INPP5A: variants seen among roughly 807,000 people sequenced by gnomAD.
INPP5A encodes 43 kDa inositol polyphosphate 5-phophatase.
Under a neutral mutation model 65.2 loss-of-function variants are expected in INPP5A, and 14 were observed. The observed-to-expected ratio is 0.21, with a 90% CI of 0.14 to 0.34. The LOEUF is 0.34. INPP5A is among the 10% of genes least tolerant of loss of function. The probability of loss-of-function intolerance (pLI) is 1.00; values close to 1 mark genes in which losing one functional copy is unlikely to be tolerated. For synonymous variants in INPP5A, 207 were observed against 208.3 expected (o/e 0.99, Z 0.05); for missense variants, 431 against 545.6 (o/e 0.79, Z 2.09).
At position 132,697,835 on chromosome 10, in the gene INPP5A, C is replaced by T. The variant is rs1261748584; in HGVS notation, c.390C>T (p.Val130=). 4.3e-6 allele frequency: 7 copies of T among 1,611,828 alleles called. No homozygotes were observed. In the Admixed American group the frequency reaches 8.3e-5, roughly 19 times the overall value. ...FDFKAKKYRK[V]AGKEIYSDTL... ...TTCCAGCTAAGAAGTATAGAAAGGT[C>T]GCTGGCAAAGAGATCTACTCGGATA... Residue 130 remains valine (V), a synonymous_variant, in exon 6 of 16, where the codon GTC becomes GTT. Transcript: ENST00000368594. This position sits in a 1 kb window ranked among gnomAD's most constrained non-coding sequence, Gnocchi z 5.6.
At chr10:132,755,991 C>T (rs1157488901) in intron 11 of INPP5A, among the ~76,000 whole-genome samples, 2 of 152,154 alleles carry the variant, frequency 1.3e-5, no homozygotes, top group African/African-American at 4.8e-5. Context: ...ACACACCAAA[C>T]AGTGTGGAGT....
rs989695922 is a variant in INPP5A at position 132,697,959 on chromosome 10, A to G, written c.474+40A>G. On this transcript the variant is annotated intron_variant, in intron 6 of 15. Transcript: ENST00000368594. The surrounding 1 kb of genome is among the most constrained non-coding windows in gnomAD (Gnocchi z 5.6). ...TTTCTCACTGACGTGTTTACTTCTC[A>G]GAGTGAGCCAGTCAGAAGTGACATG... 2 of 1,322,090 alleles carry G rather than the reference A, an allele frequency of 1.5e-6. No homozygotes were observed. The highest frequency in any genetic ancestry group is 4.6e-5 in the East Asian group (2 of 43,246). 81.9% of individuals were successfully genotyped at this position (1,322,090 alleles called of 1,614,324 possible).
At chr10:132,581,297 C>T (rs1176450416) in intron 1 of INPP5A, among the ~76,000 whole-genome samples, 1 of 152,196 alleles carries the variant, frequency 6.6e-6, no homozygotes, top group Non-Finnish European at 1.5e-5. Context: ...TGTCCGGCCT[C>T]AGGAAACTTA....
intron 2 of INPP5A, among the ~76,000 whole-genome samples, chr10:132,632,176 T>A (rs1335915783): frequency 6.6e-6 from 1 of 152,232 alleles, no homozygotes; most frequent in Non-Finnish European, 1.5e-5. Context: ...GCCTTTCCTG[T>A]CCATCCTCTG....
chr10:132,746,895 T>C (rs1334698873), intron 9 of INPP5A, among the ~76,000 whole-genome samples: 2 of 152,234 alleles, frequency 1.3e-5, no homozygotes, highest in African/African-American at 2.4e-5. Flanking sequence ...ACAGGCCAGC[T>C]TTGGCCCCTT....
intron 4 of INPP5A, among the ~76,000 whole-genome samples, chr10:132,652,587 G>A (rs564392454): frequency 3.3e-5 from 5 of 152,328 alleles, no homozygotes; most frequent in East Asian, 3.9e-4. Flanking sequence ...TCTGCTCCCC[G>A]TCTCTGCGTG....
At chr10:132,642,934 C>T (rs756004484) in intron 2 of INPP5A, among the ~76,000 whole-genome samples, 8 of 152,242 alleles carry the variant, frequency 5.3e-5, no homozygotes, top group Non-Finnish European at 8.8e-5. Context: ...GTGCTGTTGA[C>T]GTAGCTGAGC....
At chr10:132,601,583 A>G (rs765393412) in intron 1 of INPP5A, among the ~76,000 whole-genome samples, 9 of 152,234 alleles carry the variant, frequency 5.9e-5, no homozygotes, top group Non-Finnish European at 1.0e-4. Flanking sequence ...ATCCAGTGTC[A>G]CAAAGTTTCT....
Position 132,753,185 on chromosome 10 carries a change from C to T in INPP5A, c.903+3340C>T, listed in dbSNP as rs866258475. On this transcript the variant is annotated intron_variant, in intron 11 of 15. Transcript: ENST00000368594. This position sits in a 1 kb window ranked among gnomAD's most constrained non-coding sequence, Gnocchi z 5.3. Reference sequence around the variant, plus strand: ...GTGCCCTCGCACTTGCCCGAGGTGCCGGCATGCCGAGTCAGTTGTGCCCAG... The same window carrying T: ...GTGCCCTCGCACTTGCCCGAGGTGCTGGCATGCCGAGTCAGTTGTGCCCAG... 2.6e-5 allele frequency among the ~76,000 whole-genome samples: 4 copies of T among 152,086 alleles called. No individual in the cohort carries two copies. The highest frequency in any genetic ancestry group is 2.9e-5 in the Non-Finnish European group (2 of 67,994).
chr10:132,744,441 C>T (rs374395702), intron 9 of INPP5A, among the ~76,000 whole-genome samples: 1 of 152,158 alleles, frequency 6.6e-6, no homozygotes, highest in Non-Finnish European at 1.5e-5. Flanking sequence ...CTCCACCGGT[C>T]CCTGTGTCTA....
At chr10:132,684,081 T>C (rs1018164456) in intron 4 of INPP5A, among the ~76,000 whole-genome samples, 2 of 152,256 alleles carry the variant, frequency 1.3e-5, no homozygotes, top group African/African-American at 2.4e-5. Context: ...TATGTCTTTA[T>C]CTTGGTATCA....
chr10:132,636,382 C>T (rs1023222065), intron 2 of INPP5A, among the ~76,000 whole-genome samples: 22 of 152,274 alleles, frequency 1.4e-4, no homozygotes, highest in Admixed American at 1.4e-3. Context: ...GCACACGATT[C>T]GAGTGGTGGT....
At position 132,659,891 on chromosome 10, in the gene INPP5A, G is replaced by A. The variant is rs372168395; in HGVS notation, c.306+9386G>A. Among the ~76,000 whole-genome samples the A allele has an allele frequency of 6.6e-6, 1 of 152,240 alleles. No homozygotes were observed. Among genetic ancestry groups the A allele is most frequent in the Non-Finnish European group, 1.5e-5 (1 of 68,038 alleles). On this transcript the variant is annotated intron_variant, in intron 4 of 15. Coordinates refer to ENST00000368594, the MANE Select transcript of INPP5A (RefSeq NM_005539.5). This position sits in a 1 kb window ranked among gnomAD's most constrained non-coding sequence, Gnocchi z 5.5. ...GCTGTCAGCTGGGCTCCAGAAACCT[G>A]AGGACATGCAGCCTGCAGCTCCTGA... is the stretch of plus-strand genomic sequence containing the variant.
intron 1 of INPP5A, among the ~76,000 whole-genome samples, chr10:132,569,994 T>G (rs192028299): frequency 6.8e-6 from 1 of 146,266 alleles, no homozygotes; most frequent in East Asian, 2.1e-4. Context: ...GAGATGGGGT[T>G]TCACCATATT....
At position 132,538,332 on chromosome 10, in the gene INPP5A, C is replaced by A. The variant is rs1295451024; in HGVS notation, c.75+161C>A. Reference sequence around the variant, plus strand: ...GGGACCCCAGACTCCTGTCCTGATTCCCAAGTCTGGGAGCCCAGACCCCTG... The same window carrying A: ...GGGACCCCAGACTCCTGTCCTGATTACCAAGTCTGGGAGCCCAGACCCCTG... On this transcript the variant is annotated intron_variant, in intron 1 of 15. Transcript: ENST00000368594. This position sits in a 1 kb window ranked among gnomAD's most constrained non-coding sequence, Gnocchi z 4.1. Among the ~76,000 whole-genome samples, 1 of 152,242 alleles carries A rather than the reference C, an allele frequency of 6.6e-6. No homozygotes were observed. The highest frequency in any genetic ancestry group is 1.5e-5 in the Non-Finnish European group (1 of 67,988).
chr10:132,744,318 C>T (rs1407007710), intron 9 of INPP5A, among the ~76,000 whole-genome samples: 1 of 152,222 alleles, frequency 6.6e-6, no homozygotes, highest in African/African-American at 2.4e-5. Context: ...AGCCATCCCC[C>T]ACCACCCACA....
rs1011273492 is a variant in INPP5A, at chr10:132,596,915, A to G, written c.76-11000A>G. 7.1e-3 allele frequency among the ~76,000 whole-genome samples: 271 copies of G among 38,084 alleles called. 1 individual carries two copies. Among genetic ancestry groups the G allele is most frequent in the African/African-American group, 0.013 (254 of 19,866 alleles). The allele number at this position is 38,084 out of a possible 152,430, so 25.0% of individuals were successfully genotyped here. A position where few individuals can be genotyped will look rare whatever the true frequency, so the allele number is the denominator to read the frequency against. On this transcript the variant is annotated intron_variant, in intron 1 of 15. Coordinates refer to ENST00000368594, the MANE Select transcript of INPP5A (RefSeq NM_005539.5). ...TTTGGAGGCTCCTGTGCATGTGTGCATGTGTGCGCGCATGTGCACGCATGT... is the reference window on the plus strand; with the variant it reads ...TTTGGAGGCTCCTGTGCATGTGTGCGTGTGTGCGCGCATGTGCACGCATGT...
chr10:132,744,753 A>G (rs1399481018), intron 9 of INPP5A, among the ~76,000 whole-genome samples: 1 of 152,058 alleles, frequency 6.6e-6, no homozygotes, highest in Non-Finnish European at 1.5e-5. Context: ...TCTCAAGGAG[A>G]GGAAGAAGTT....
intron 8 of INPP5A, among the ~76,000 whole-genome samples, chr10:132,718,604 C>T (rs1258895504): frequency 2.0e-5 from 3 of 147,414 alleles, no homozygotes; most frequent in Admixed American, 6.8e-5. Flanking sequence ...GCACCTTAGA[C>T]GACTGTCTTC....
Sources: gnomAD v4.1 joint callset for allele counts (sites outside exome capture counted in the v4.1 genomes callset) on GRCh38, gnomAD v4.1.1 for gene constraint, Gnocchi (gnomAD v3.1) non-coding constraint, MANE v1.5 for transcripts, NCBI Gene and HGNC (gene_info 2026-07-23, HGNC 2026-07-21) for gene names.